CEP192: variants seen among roughly 807,000 people sequenced by gnomAD.
The protein encoded by CEP192 is centrosomal protein 192, also known as centrosomal protein of 192 kDa.
CEP192 carries 151 observed loss-of-function variants against 271.8 expected under a neutral mutation model. That is an observed-to-expected ratio of 0.56 (90% CI 0.49 to 0.64). The LOEUF (loss-of-function observed/expected upper bound fraction) is 0.64. Among genes scored for constraint, CEP192 ranks in the 30% least tolerant of loss-of-function variants. CEP192 has a pLI of 0.00. For missense variants in CEP192, 2,910 were observed against 3,020.5 expected (o/e 0.96, Z 0.86); for synonymous variants, 995 against 1,076.5 (o/e 0.92, Z 1.48).
intron 9 of CEP192, chr18:13,024,447 G>C (rs528591133): frequency 2.5e-6 from 1 of 394,742 alleles, no homozygotes; most frequent in East Asian, 7.7e-5. Flanking sequence ...CTTTCAGTTG[G>C]TGTGTTTGTT....
chr18:13,063,794 G>T (rs1032036539), intron 21 of CEP192, among the ~76,000 whole-genome samples: 3 of 151,046 alleles, frequency 2.0e-5, no homozygotes, highest in African/African-American at 7.3e-5. Flanking sequence ...TCTTTGCCCA[G>T]ATCAATGTCC....
rs200229392 is a variant in CEP192 at position 13,024,459 on chromosome 18, GTTTA to G, written c.1051-5188_1051-5185del. 1,062 of 367,388 alleles carry G rather than the reference GTTTA, an allele frequency of 2.9e-3. 22 individuals are homozygous for G. The East Asian group carries it at 0.037, about 13-fold the overall frequency. 22.8% of individuals were successfully genotyped at this position (367,388 alleles called of 1,614,324 possible). A position where few individuals can be genotyped will look rare whatever the true frequency, so the allele number is the denominator to read the frequency against. ...TCTCTTTCAGTTGGTGTGTTTGTTT[GTTTA>G]TTTATTTATTTATTTTTTGAGGTGG... On this transcript the variant is annotated intron_variant, in intron 9 of 44. Coordinates refer to ENST00000506447, the MANE Select transcript of CEP192 (RefSeq NM_032142.4).
chr18:13,067,139 T>A (rs140804839), intron 21 of CEP192, among the ~76,000 whole-genome samples: 32 of 152,180 alleles, frequency 2.1e-4, no homozygotes, highest in African/African-American at 7.2e-4. Context: ...TTTCTTGTCA[T>A]TATTCTCTAA....
At chr18:13,117,912 A>G (rs2040505800) in intron 44 of CEP192, among the ~76,000 whole-genome samples, 2 of 152,202 alleles carry the variant, frequency 1.3e-5, no homozygotes, top group Admixed American at 1.3e-4. Context: ...GCAGCCACAT[A>G]AATCTTAGAG....
At position 12,999,449 on chromosome 18, in the gene CEP192, G is replaced by A; in HGVS notation, c.25G>A (p.Glu9Lys). The A allele has an allele frequency of 2.6e-6, 4 of 1,549,016 alleles. No individual in the cohort carries two copies. Among genetic ancestry groups the A allele is most frequent in the Non-Finnish European group, 3.5e-6 (4 of 1,146,134 alleles). The change falls in exon 2 of 45, where the codon GAA (glutamate) becomes AAA (lysine). Residue 9 changes from glutamate (E) to lysine (K), a missense_variant. Physicochemically the swap from Glu to Lys is moderately conservative, Grantham distance 56. Coordinates refer to ENST00000506447, the MANE Select transcript of CEP192 (RefSeq NM_032142.4). MEDFRGIA[E>K]ESFPSFLTNS... ...GATGGAAGATTTTCGAGGTATAGCA[G>A]AAGAATCATTTCCAAGCTTTCTCAC...
At chr18:12,992,720 C>G (rs1437929935) in intron 1 of CEP192, among the ~76,000 whole-genome samples, 1 of 152,140 alleles carries the variant, frequency 6.6e-6, no homozygotes, top group Non-Finnish European at 1.5e-5. Flanking sequence ...GGAATCTTCC[C>G]GTGGGTTTTG....
chr18:13,099,161 G>A (rs531356847), intron 36 of CEP192, among the ~76,000 whole-genome samples: 5 of 142,710 alleles, frequency 3.5e-5, no homozygotes, highest in African/African-American at 1.3e-4. Context: ...GCATCAGAGG[G>A]AGACCATGGG....
chr18:13,020,371 T>C (rs1257987675), intron 9 of CEP192, among the ~76,000 whole-genome samples: 1 of 152,230 alleles, frequency 6.6e-6, no homozygotes, highest in African/African-American at 2.4e-5. Flanking sequence ...TTAAGCGTGA[T>C]GTTTTCAAGG....
chr18:13,009,698 T>C (rs2034214961), intron 4 of CEP192, among the ~76,000 whole-genome samples: 1 of 152,132 alleles, frequency 6.6e-6, no homozygotes, highest in Non-Finnish European at 1.5e-5. Flanking sequence ...CCAGACATCA[T>C]GGTGGCTACC....
At chr18:13,097,371 A>G (rs367601343) in intron 36 of CEP192, among the ~76,000 whole-genome samples, 80 of 152,314 alleles carry the variant, frequency 5.3e-4, no homozygotes, top group African/African-American at 1.9e-3. Context: ...TGGTTCTTGA[A>G]GAGAATATTG....
At chr18:13,034,895 A>G (rs531689207) in intron 11 of CEP192, among the ~76,000 whole-genome samples, 8 of 150,930 alleles carry the variant, frequency 5.3e-5, no homozygotes, top group African/African-American at 1.9e-4. Flanking sequence ...GCTCAGCTCC[A>G]TCTATTCAAG....
chr18:13,117,908 A>C (rs531441262), intron 44 of CEP192, among the ~76,000 whole-genome samples: 2 of 152,370 alleles, frequency 1.3e-5, no homozygotes, highest in African/African-American at 4.8e-5. Context: ...ATTTGCAGCC[A>C]CATAAATCTT....
chr18:13,068,983 G>A lies in CEP192; in HGVS notation c.4954G>A (p.Asp1652Asn). The change falls in exon 25 of 45, where the codon GAC (aspartate) becomes AAC (asparagine). Residue 1652 changes from aspartate (D) to asparagine (N), a missense_variant. Coordinates refer to ENST00000506447, the MANE Select transcript of CEP192 (RefSeq NM_032142.4). Reference protein sequence around the residue: ...AGIARIHAPRDLQTMHFLAKV... With the variant: ...AGIARIHAPRNLQTMHFLAKV... ...AATAGCTAGGATCCATGCTCCCAGG[G>A]ACTTGCAGGTAGCCTCAGTCCTCCT... 6.2e-7 allele frequency: 1 copy of A among 1,614,118 alleles called. No individual in the cohort carries two copies. Among genetic ancestry groups the A allele is most frequent in the Non-Finnish European group, 8.5e-7 (1 of 1,180,014 alleles).
chr18:13,099,339 G>A lies in CEP192; in HGVS notation c.6558-137G>A, dbSNP rs117282418. On this transcript the variant is annotated intron_variant, in intron 36 of 44. Transcript: ENST00000506447. ...TGTGGGAGCCATGTGGGAGCCGCAT[G>A]GGAGTGAGCTCTGTTCTCTGCTCTT... 58 of 557,630 alleles carry A rather than the reference G, an allele frequency of 1.0e-4. No homozygotes were observed. The East Asian group carries it at 1.6e-3, about 16-fold the overall frequency. The allele number at this position is 557,630 out of a possible 1,614,324, so 34.5% of individuals were successfully genotyped here.
In CEP192 at chr18:13,069,875, A is replaced by T. The variant is rs1276428670; in HGVS notation, c.5174+19A>T. ...AGGAAAGGTAATATAAAAATGTTAT[A>T]ATGGACCGGGCACAGTGGCTCATGC... On this transcript the variant is annotated intron_variant, in intron 27 of 44. Coordinates refer to ENST00000506447, the MANE Select transcript of CEP192 (RefSeq NM_032142.4). The T allele has an allele frequency of 7.0e-7, 1 of 1,427,624 alleles. No homozygotes were observed. Among genetic ancestry groups the T allele is most frequent in the African/African-American group, 1.4e-5 (1 of 70,422 alleles). 88.4% of individuals were successfully genotyped at this position (1,427,624 alleles called of 1,614,324 possible).
chr18:13,034,023 T>G (rs1394849041), intron 11 of CEP192, among the ~76,000 whole-genome samples: 1 of 152,234 alleles, frequency 6.6e-6, no homozygotes, highest in East Asian at 1.9e-4. Context: ...GATGGGGAGA[T>G]AGTTTTCAGT....
intron 9 of CEP192, among the ~76,000 whole-genome samples, chr18:13,025,527 C>T (rs572345088): frequency 4.1e-4 from 63 of 152,118 alleles, no homozygotes; most frequent in Non-Finnish European, 7.8e-4. Context: ...TCTTTGTGGT[C>T]TTAATTCAGC....
intron 30 of CEP192, among the ~76,000 whole-genome samples, chr18:13,079,675 C>T (rs13381779): frequency 0.26 from 38,811 of 152,074 alleles, 5,981 homozygotes; most frequent in Admixed American, 0.36. Flanking sequence ...CTTTTGTTGC[C>T]ATTGCTTTTG....
Position 13,001,537 on chromosome 18 carries a change from A to G in CEP192, c.245A>G (p.Asp82Gly). 5 of 1,551,214 alleles carry G rather than the reference A, an allele frequency of 3.2e-6. No individual in the cohort carries two copies. Among genetic ancestry groups the G allele is most frequent in the Non-Finnish European group, 4.4e-6 (5 of 1,146,814 alleles). ...GGGTCATCTCCCGGAAGCCAGAGTG[A>G]TGCTGAACCAAGAGAGAGGTTACAG... ...PSGSSPGSQS[D>G]AEPRERLQLS... is the part of the protein sequence containing the mutation. The change falls in exon 3 of 45, where the codon GAT (aspartate) becomes GGT (glycine). Residue 82 changes from aspartate to glycine, a missense_variant. Coordinates refer to ENST00000506447, the MANE Select transcript of CEP192 (RefSeq NM_032142.4).
Sources: allele counts gnomAD v4.1 joint callset (sites outside exome capture counted in the v4.1 genomes callset), GRCh38; gene constraint gnomAD v4.1.1; transcripts MANE v1.5; gene names NCBI Gene and HGNC (gene_info 2026-07-23, HGNC 2026-07-21).